Variants in VWA3A observed in about 807,000 individuals in gnomAD.
VWA3A encodes von Willebrand factor A domain-containing protein 3A.
Under a neutral mutation model 160.4 loss-of-function variants are expected in VWA3A, and 134 were observed. The ratio of observed to expected loss-of-function variants is 0.84; its 90% confidence interval spans 0.73 to 0.96. The LOEUF is 0.96. VWA3A is among the 40% of genes least tolerant of loss of function. The pLI, the probability that VWA3A is intolerant of heterozygous loss-of-function variation, is 0.00. For missense variants in VWA3A, 1,310 were observed against 1,447.9 expected, an observed-to-expected ratio of 0.90 and a Z score of 1.55; for synonymous variants, 476 against 543.4, an observed-to-expected ratio of 0.88 and a Z score of 1.72.
rs1296198349 is a variant in VWA3A at position 22,156,850 on chromosome 16, C to T, written c.*833C>T. On this transcript the variant is annotated 3_prime_UTR_variant, in exon 34 of 34. Coordinates refer to ENST00000389398, the MANE Select transcript of VWA3A (RefSeq NM_173615.5). ...AATTTTATTCTACTAATAGGATCAA[C>T]ATGACTTTAACTGTTTGAAGTGATC... is the stretch of plus-strand genomic sequence containing the variant. 6.6e-6 allele frequency: 1 copy of T among 152,168 alleles called. No homozygotes were observed. The highest frequency in any genetic ancestry group is 1.5e-5 in the Non-Finnish European group (1 of 68,032). The allele number at this position is 152,168 out of a possible 1,614,324, so 9.4% of individuals were successfully genotyped here.
rs1378303773 is a variant in VWA3A, at chr16:22,144,249, G to A, written c.2595G>A (p.Trp865Ter). The A allele has an allele frequency of 1.2e-6, 2 of 1,610,720 alleles. No homozygotes were observed. The highest frequency in any genetic ancestry group is 1.7e-6 in the Non-Finnish European group (2 of 1,178,824). Residue 865 changes from tryptophan to a stop codon, truncating the protein, a stop_gained and splice_region_variant, in exon 26 of 34, where the codon TGG (tryptophan) becomes TGA (stop). Coordinates refer to ENST00000389398, the MANE Select transcript of VWA3A (RefSeq NM_173615.5). LOFTEE classifies it high-confidence loss of function. ...TAGTTCTTTCCTTTATTCTAAAGTG[G>A]GTGGCAAAATATGGGCTCAAAAAAT... ...RKDTVCSSQE[W>*]VAKYGLKKLK...
At chr16:22,125,532 T>A (rs569493258) in intron 16 of VWA3A, among the ~76,000 whole-genome samples, 1 of 151,988 alleles carries the variant, frequency 6.6e-6, no homozygotes, top group Non-Finnish European at 1.5e-5. Context: ...CATGCCATTC[T>A]CCTGCCTCAG....
At chr16:22,151,425 A>G (rs748555705) in intron 30 of VWA3A, among the ~76,000 whole-genome samples, 2 of 152,246 alleles carry the variant, frequency 1.3e-5, no homozygotes, top group Non-Finnish European at 2.9e-5. Flanking sequence ...ACACATTTGC[A>G]AGGGATTCAC....
Position 22,100,396 on chromosome 16 carries a change from A to C in VWA3A, c.351-20A>C. ...CCCCCTGGGCCCGAGAGATCCCCTCATAAGGCTTTGCTTCTTCAGGGAGGA... is the reference window on the plus strand; with the variant it reads ...CCCCCTGGGCCCGAGAGATCCCCTCCTAAGGCTTTGCTTCTTCAGGGAGGA... On this transcript the variant is annotated intron_variant, in intron 4 of 33. Coordinates refer to ENST00000389398, the MANE Select transcript of VWA3A (RefSeq NM_173615.5). 6.4e-7 allele frequency: 1 copy of C among 1,551,666 alleles called. No individual in the cohort carries two copies. Among genetic ancestry groups the C allele is most frequent in the South Asian group, 1.2e-5 (1 of 84,058 alleles).
chr16:22,144,144 ACAT>A, intron 25 of VWA3A, 100 bp from the exon 26 acceptor site: 2 of 1,364,240 alleles, frequency 1.5e-6, no homozygotes, highest in South Asian at 3.1e-5. Context: ...CACATTTCAA[ACAT>A]CATACAGGTT....
intron 6 of VWA3A, among the ~76,000 whole-genome samples, chr16:22,107,958 G>A (rs909391059): frequency 6.6e-6 from 1 of 152,146 alleles, no homozygotes; most frequent in African/African-American, 2.4e-5. Context: ...ATAGTGTCCT[G>A]GAAGACATGT....
At chr16:22,129,780 A>C (rs2045917212) in intron 17 of VWA3A, among the ~76,000 whole-genome samples, 1 of 152,172 alleles carries the variant, frequency 6.6e-6, no homozygotes, top group Admixed American at 6.6e-5. Context: ...AAGGGTGGGC[A>C]GAAGAAGGGA....
chr16:22,149,432 T>C lies in VWA3A; in HGVS notation c.2985-355T>C, dbSNP rs541350297. On this transcript the variant is annotated intron_variant, in intron 28 of 33. Coordinates refer to ENST00000389398, the MANE Select transcript of VWA3A (RefSeq NM_173615.5). ...TTTTTAAAAATCTTTTTCGTAGAGA[T>C]GGGGGTCTCACTATGTTGCCCAGGC... 8.5e-5 allele frequency among the ~76,000 whole-genome samples: 13 copies of C among 152,200 alleles called. No individual in the cohort carries two copies. The South Asian group carries it at 2.3e-3, about 27-fold the overall frequency.
chr16:22,096,392 C>A (rs1044087312), intron 1 of VWA3A, among the ~76,000 whole-genome samples: 1 of 152,086 alleles, frequency 6.6e-6, no homozygotes, highest in African/African-American at 2.4e-5. Context: ...GCCAGGAGTT[C>A]GAGGCTGCCA....
chr16:22,138,327 G>A (rs377343482), intron 21 of VWA3A, 33 bp from the exon 22 acceptor site: 4 of 1,559,134 alleles, frequency 2.6e-6, no homozygotes, highest in South Asian at 2.4e-5. Flanking sequence ...ACAGTGGCTG[G>A]GGGTGCCACT....
intron 18 of VWA3A, 22 bp from the exon 19 acceptor site, chr16:22,131,563 A>G (rs2045948924): frequency 6.2e-7 from 1 of 1,608,108 alleles, no homozygotes; most frequent in South Asian, 1.1e-5. Context: ...GACCCTCAGC[A>G]TGGCCATCTC....
chr16:22,149,234 GTTGT>G (rs1280290349), intron 28 of VWA3A, among the ~76,000 whole-genome samples: 1 of 152,030 alleles, frequency 6.6e-6, no homozygotes, highest in African/African-American at 2.4e-5. Context: ...GATTGTTTGG[GTTGT>G]TTGTTTGCTT....
chr16:22,132,486 T>C (rs1015728665), intron 19 of VWA3A, among the ~76,000 whole-genome samples: 9 of 152,062 alleles, frequency 5.9e-5, no homozygotes, highest in Non-Finnish European at 1.2e-4. Context: ...AGGTCAAAGC[T>C]GCAGCAAGCT....
Position 22,126,162 on chromosome 16 carries a change from T to C in VWA3A, c.1533-16T>C, listed in dbSNP as rs1167643846. On this transcript the variant is annotated splice_polypyrimidine_tract_variant and intron_variant, in intron 16 of 33. Transcript: ENST00000389398. Reference sequence around the variant, plus strand: ...AGAGATTCGGTTCTCCTCTTAAAGCTCGTGTTTCCTTTTAGGGTGGTTGTA... The same window carrying C: ...AGAGATTCGGTTCTCCTCTTAAAGCCCGTGTTTCCTTTTAGGGTGGTTGTA... 3.7e-6 allele frequency: 6 copies of C among 1,613,170 alleles called. No individual in the cohort carries two copies. Among genetic ancestry groups the C allele is most frequent in the Non-Finnish European group, 5.1e-6 (6 of 1,179,608 alleles).
intron 24 of VWA3A, among the ~76,000 whole-genome samples, 156 bp from the exon 25 acceptor site, chr16:22,142,512 C>T (rs765239433): frequency 2.0e-5 from 3 of 152,054 alleles, no homozygotes; most frequent in Non-Finnish European, 4.4e-5. Context: ...CACCCTCTCA[C>T]CAGAGAGAGC....
chr16:22,130,230 G>A (rs1316010370), intron 17 of VWA3A, among the ~76,000 whole-genome samples: 2 of 152,166 alleles, frequency 1.3e-5, no homozygotes, highest in African/African-American at 4.8e-5. Flanking sequence ...AGGTTGAGGA[G>A]GTGAGGAAGT....
intron 31 of VWA3A, among the ~76,000 whole-genome samples, chr16:22,154,323 C>CTTTTTTTTTTTTTT (rs988862954): frequency 1.4e-3 from 102 of 73,872 alleles, no homozygotes; most frequent in African/African-American, 1.9e-3. Context: ...TTTTCTTTTT[C>CTTTTTTTTTTTTTT]TTTTTTTTTT....
Position 22,156,143 on chromosome 16 carries a change from G to A in VWA3A, c.*126G>A. ...ATGATTCCTGGTACCAGGACTCTCT[G>A]GAAGCTGAGGAAGGAAAGACTTTGT... On this transcript the variant is annotated 3_prime_UTR_variant, in exon 34 of 34. Coordinates refer to ENST00000389398, the MANE Select transcript of VWA3A (RefSeq NM_173615.5). 1.8e-6 allele frequency: 1 copy of A among 558,074 alleles called. No homozygotes were observed. The highest frequency in any genetic ancestry group is 3.1e-5 in the East Asian group (1 of 32,054). 34.6% of individuals were successfully genotyped at this position (558,074 alleles called of 1,614,324 possible).
At chr16:22,116,366 GGAA>G (rs1000259470) in intron 9 of VWA3A, 8 of 400,426 alleles carry the variant, frequency 2.0e-5, no homozygotes, top group Middle Eastern at 7.4e-4. Context: ...AAGGAAAGAA[GGAA>G]GAGAGAAAAA....
Sources: allele counts gnomAD v4.1 joint callset (sites outside exome capture counted in the v4.1 genomes callset), GRCh38; gene constraint gnomAD v4.1.1; transcripts MANE v1.5; gene names NCBI Gene and HGNC (gene_info 2026-07-23, HGNC 2026-07-21).